Variants in AMBRA1 observed in about 807,000 individuals in gnomAD.
The protein encoded by AMBRA1 is activating molecule in BECN1-regulated autophagy protein 1.
Under a neutral mutation model 125.4 loss-of-function variants are expected in AMBRA1, and 47 were observed. That is an observed-to-expected ratio of 0.37 (90% CI 0.30 to 0.48). The LOEUF is 0.48. Among genes scored for constraint, AMBRA1 ranks in the 20% least tolerant of loss-of-function variants. The probability of loss-of-function intolerance (pLI) is 0.99; values close to 1 mark genes in which losing one functional copy is unlikely to be tolerated. For missense variants in AMBRA1, 1,331 were observed against 1,693.4 expected (o/e 0.79, Z 3.76); for synonymous variants, 626 against 655.5 (o/e 0.95, Z 0.69).
At chr11:46,509,983 CACAGTCAACT>C (rs1951198222) in intron 8 of AMBRA1, among the ~76,000 whole-genome samples, 1 of 152,108 alleles carries the variant, frequency 6.6e-6, no homozygotes, top group African/African-American at 2.4e-5. Flanking sequence ...CAACCCAGGT[CACAGTCAACT>C]GCAGTCAACT....
intron 11 of AMBRA1, among the ~76,000 whole-genome samples, chr11:46,445,213 G>T (rs1159032947): frequency 1.3e-5 from 2 of 152,002 alleles, no homozygotes; most frequent in Non-Finnish European, 2.9e-5. Context: ...TGTCTAAAAA[G>T]GTTCCTCAGG....
At chr11:46,547,474 T>C in intron 3 of AMBRA1, 178 bp from the exon 4 acceptor site, 1 of 626,938 alleles carries the variant, frequency 1.6e-6, no homozygotes, top group Non-Finnish European at 2.6e-6. Flanking sequence ...TAAAAGCTTT[T>C]GGCTTGTCCA....
rs780051547 is a variant in AMBRA1, at chr11:46,508,325, G to A, written c.2205C>T (p.Leu735=). The A allele has an allele frequency of 1.9e-6, 3 of 1,614,230 alleles. No homozygotes were observed. The part of the protein sequence containing the change: ...AYYAQRMIQY[L]SRRDSIRQRS... ...GCTGGCGAATACTGTCTCTCCGTGA[G>A]AGATACTGGATCATCCTCTGGGCGT... The change falls in exon 9 of 18, where the codon CTC becomes CTT. Residue 735 remains leucine (L), a synonymous_variant. Coordinates refer to ENST00000683756, the MANE Select transcript of AMBRA1 (RefSeq NM_001387011.1).
chr11:46,533,525 T>C (rs1027489570), intron 7 of AMBRA1, among the ~76,000 whole-genome samples: 15 of 152,186 alleles, frequency 9.9e-5, no homozygotes, highest in Non-Finnish European at 1.5e-4. Context: ...GCTGAGATGA[T>C]TGATTCATTC....
intron 11 of AMBRA1, among the ~76,000 whole-genome samples, chr11:46,446,040 T>C (rs1430100823): frequency 6.6e-6 from 1 of 152,178 alleles, no homozygotes; most frequent in Non-Finnish European, 1.5e-5. Flanking sequence ...CATCCTGTAC[T>C]GTCCATGTCT....
rs376283962 is a variant in AMBRA1 at position 46,413,404 on chromosome 11, A to G, written c.3117-3036T>C. On this transcript the variant is annotated intron_variant, in intron 15 of 17. Coordinates refer to ENST00000683756, the MANE Select transcript of AMBRA1 (RefSeq NM_001387011.1). ...GAGCTGGACTACAATGAGCTCATGG[A>G]TTTGGTTTCAATTCCAGACACTGTA... is the stretch of plus-strand genomic sequence containing the variant. Among the ~76,000 whole-genome samples, 211 of 152,308 alleles carry G rather than the reference A, an allele frequency of 1.4e-3. 5 individuals carry two copies. In the South Asian group the frequency reaches 0.042, roughly 30 times the overall value.
chr11:46,547,026 A>G (rs1953053947), intron 4 of AMBRA1, 87 bp downstream of exon 4: 1 of 1,314,150 alleles, frequency 7.6e-7, no homozygotes. Context: ...AGCCAAGATC[A>G]CACCACTGGG....
chr11:46,469,133 A>G (rs1268649032), intron 11 of AMBRA1, among the ~76,000 whole-genome samples: 1 of 152,186 alleles, frequency 6.6e-6, no homozygotes, highest in Non-Finnish European at 1.5e-5. Flanking sequence ...ACAACAGGGA[A>G]ACTCCACCTC....
At chr11:46,523,052 A>G (rs1951826348) in intron 7 of AMBRA1, among the ~76,000 whole-genome samples, 1 of 152,216 alleles carries the variant, frequency 6.6e-6, no homozygotes, top group African/African-American at 2.4e-5. Context: ...CCAATTTCCC[A>G]GCTCATATCT....
intron 11 of AMBRA1, among the ~76,000 whole-genome samples, chr11:46,445,199 A>G (rs1948224605): frequency 6.6e-6 from 1 of 152,210 alleles, no homozygotes; most frequent in Non-Finnish European, 1.5e-5. Context: ...AAGTAGGGAA[A>G]AAATGTCTAA....
At chr11:46,417,075 CAG>C (rs1382104027) in intron 15 of AMBRA1, among the ~76,000 whole-genome samples, 2 of 150,208 alleles carry the variant, frequency 1.3e-5, no homozygotes, top group South Asian at 2.1e-4. Context: ...TTTTTTGAGA[CAG>C]AGTCTCACTC....
At chr11:46,436,518 T>C (rs541700541) in intron 12 of AMBRA1, among the ~76,000 whole-genome samples, 78 of 152,314 alleles carry the variant, frequency 5.1e-4, no homozygotes, top group African/African-American at 1.8e-3. Flanking sequence ...GCTATCACCA[T>C]TAGGCCTTTC....
intron 1 of AMBRA1, among the ~76,000 whole-genome samples, chr11:46,556,219 C>T (rs570832331): frequency 2.4e-4 from 37 of 152,240 alleles, no homozygotes; most frequent in Admixed American, 2.1e-3. Context: ...GACTTTCCTA[C>T]GGCCATTTCA....
chr11:46,411,991 G>T (rs1284132203), intron 15 of AMBRA1, among the ~76,000 whole-genome samples: 1 of 152,128 alleles, frequency 6.6e-6, no homozygotes, highest in East Asian at 1.9e-4. Flanking sequence ...TTGCTTCTTT[G>T]AAGGGAAAGA....
intron 1 of AMBRA1, among the ~76,000 whole-genome samples, chr11:46,590,065 G>A (rs1165021673): frequency 6.6e-6 from 1 of 151,866 alleles, no homozygotes; most frequent in African/African-American, 2.4e-5. Flanking sequence ...AAAATATTGT[G>A]AAAATTATAC....
intron 1 of AMBRA1, among the ~76,000 whole-genome samples, chr11:46,550,492 AAT>A (rs1445652992): frequency 6.6e-6 from 1 of 152,168 alleles, no homozygotes; most frequent in Non-Finnish European, 1.5e-5. Flanking sequence ...GCATCATGTA[AAT>A]ATCCTATTAC....
chr11:46,409,308 C>A (rs1360351247), intron 16 of AMBRA1, among the ~76,000 whole-genome samples: 1 of 152,056 alleles, frequency 6.6e-6, no homozygotes, highest in Non-Finnish European at 1.5e-5. Context: ...TCAAGCGATT[C>A]TCCTGCCTCA....
rs183097079 is a variant in AMBRA1 at position 46,571,808 on chromosome 11, G to A, written c.-121+22020C>T. Among the ~76,000 whole-genome samples the A allele has an allele frequency of 2.8e-3, 421 of 148,640 alleles. 2 individuals are homozygous for A. The highest frequency in any genetic ancestry group is 9.8e-3 in the African/African-American group (398 of 40,548). On this transcript the variant is annotated intron_variant, in intron 1 of 17. Coordinates refer to ENST00000683756, the MANE Select transcript of AMBRA1 (RefSeq NM_001387011.1). ...AGGTTCAAGAGATTCTCCTGCCTCA[G>A]CCTCCTGAGTAGCTGGGACTACAGG...
intron 1 of AMBRA1, among the ~76,000 whole-genome samples, chr11:46,566,236 C>T (rs1422935805): frequency 2.6e-5 from 4 of 152,056 alleles, no homozygotes; most frequent in Admixed American, 1.3e-4. Flanking sequence ...CTGCCCAACA[C>T]GGTGAAACCC....
Sources: gnomAD v4.1 joint callset for allele counts (sites outside exome capture counted in the v4.1 genomes callset) on GRCh38, gnomAD v4.1.1 for gene constraint, MANE v1.5 for transcripts, NCBI Gene and HGNC (gene_info 2026-07-23, HGNC 2026-07-21) for gene names.